NAAA: variants seen among roughly 807,000 people sequenced by gnomAD.
The protein encoded by NAAA is N-acylethanolamine-hydrolyzing acid amidase.
In NAAA, 39 loss-of-function variants were observed where a neutral mutation model predicts 44.8. The ratio of observed to expected loss-of-function variants is 0.87; its 90% CI spans 0.67 to 1.14. The LOEUF is 1.14. NAAA is among the 50% of genes most tolerant of loss of function. The pLI, the probability that NAAA is intolerant of heterozygous loss-of-function variation, is 0.00. For synonymous variants in NAAA, 178 were observed against 191.3 expected, an observed-to-expected ratio of 0.93 and a Z score of 0.58; for missense variants, 460 against 467.8, an observed-to-expected ratio of 0.98 and a Z score of 0.15.
chr4:75,930,803 G>A (rs1727162762), intron 4 of NAAA, among the ~76,000 whole-genome samples: 1 of 152,090 alleles, frequency 6.6e-6, no homozygotes, highest in Non-Finnish European at 1.5e-5. Flanking sequence ...TTACTCCCAT[G>A]CCATAACCAC....
At chr4:75,930,537 G>A (rs1394645004) in intron 4 of NAAA, 2 of 513,802 alleles carry the variant, frequency 3.9e-6, no homozygotes, top group South Asian at 1.4e-5. Context: ...CTTTACAAAT[G>A]TGGCTTGTAT....
rs1289903800 is a variant in NAAA at position 75,940,738 on chromosome 4, G to C, written c.206+6C>G. Reference sequence around the variant, plus strand: ...CCCGCAGACCCCGTCCAGGGCCCCAGCTCACCCGATGACTTGCGCCATCGC... The same window carrying C: ...CCCGCAGACCCCGTCCAGGGCCCCACCTCACCCGATGACTTGCGCCATCGC... On this transcript the variant is annotated splice_donor_region_variant and intron_variant, in intron 1 of 10. Transcript: ENST00000286733. The C allele has an allele frequency of 1.7e-5, 27 of 1,594,042 alleles. No homozygotes were observed. The highest frequency in any genetic ancestry group is 2.1e-5 in the Non-Finnish European group (25 of 1,177,332).
chr4:75,937,630 C>T (rs1213686550), intron 2 of NAAA, among the ~76,000 whole-genome samples: 2 of 152,164 alleles, frequency 1.3e-5, no homozygotes, highest in Non-Finnish European at 2.9e-5. Context: ...GGACCACAGG[C>T]GCAAGCCTCC....
chr4:75,935,942 A>G lies in NAAA; in HGVS notation c.498+167T>C. Reference sequence around the variant, plus strand: ...TAAATAATAAATGACCGTCCTTCCTATAAGCATAATTGATGCAAACCTCTC... The same window carrying G: ...TAAATAATAAATGACCGTCCTTCCTGTAAGCATAATTGATGCAAACCTCTC... On this transcript the variant is annotated intron_variant, in intron 3 of 10. Transcript: ENST00000286733. The G allele has an allele frequency of 2.7e-6, 2 of 737,004 alleles. 1 individual carries two copies. Among genetic ancestry groups the G allele is most frequent in the South Asian group, 3.5e-5 (2 of 57,706 alleles). 45.7% of individuals were successfully genotyped at this position (737,004 alleles called of 1,614,324 possible). A position where few individuals can be genotyped will look rare whatever the true frequency, so the allele number is the denominator to read the frequency against.
intron 5 of NAAA, among the ~76,000 whole-genome samples, chr4:75,923,585 G>A (rs1405834245): frequency 2.6e-5 from 4 of 151,276 alleles, no homozygotes; most frequent in African/African-American, 7.3e-5. Context: ...TGTCTCCCAG[G>A]CTGGAGTGCA....
At chr4:75,912,705 C>T (rs7663965), downstream of NAAA, among the ~76,000 whole-genome samples, 11,897 of 151,906 alleles carry the variant, frequency 0.078, 777 homozygotes, top group African/African-American at 0.18. Context: ...ACCCTGGAGG[C>T]AGAGTTTGCA....
At chr4:75,938,023 C>G (rs550426879) in intron 2 of NAAA, among the ~76,000 whole-genome samples, 1 of 152,324 alleles carries the variant, frequency 6.6e-6, no homozygotes, top group East Asian at 1.9e-4. Context: ...CTGCAGCGAA[C>G]TGGAGATTCC....
At chr4:75,939,525 C>T (rs1728038261) in intron 2 of NAAA, among the ~76,000 whole-genome samples, 1 of 151,206 alleles carries the variant, frequency 6.6e-6, no homozygotes, top group Admixed American at 6.6e-5. Context: ...AAGTGATTCT[C>T]CTGCCTCAAC....
chr4:75,917,630 TG>T (rs1219148370), intron 9 of NAAA: 5 of 246,664 alleles, frequency 2.0e-5, no homozygotes, highest in African/African-American at 9.2e-5. Context: ...CATGCCTGGT[TG>T]ATTTTTGTAT....
chr4:75,925,640 A>T, intron 5 of NAAA, 95 bp downstream of exon 5: 1 of 1,140,668 alleles, frequency 8.8e-7, no homozygotes, highest in Non-Finnish European at 1.3e-6. Context: ...TCTTTTAAGG[A>T]GCTCCTTACA....
chr4:75,918,851 A>AT, intron 8 of NAAA, 62 bp from the exon 9 acceptor site: 2 of 1,488,690 alleles, frequency 1.3e-6, no homozygotes, highest in Non-Finnish European at 9.3e-7. Flanking sequence ...CACATAGAAT[A>AT]TCTATGGAGG....
intron 4 of NAAA, among the ~76,000 whole-genome samples, chr4:75,928,665 C>T (rs866271616): frequency 6.6e-6 from 1 of 152,256 alleles, no homozygotes; most frequent in Non-Finnish European, 1.5e-5. Context: ...CAGAGGAGGC[C>T]AGGCCTGGAG....
chr4:75,938,159 C>T (rs1056060854), intron 2 of NAAA, among the ~76,000 whole-genome samples: 3 of 152,156 alleles, frequency 2.0e-5, no homozygotes, highest in East Asian at 3.9e-4. Context: ...GTGCCTGGCA[C>T]CCAGTAGGCT....
chr4:75,940,234 G>A, intron 1 of NAAA, 69 bp from the exon 2 acceptor site: 2 of 1,534,184 alleles, frequency 1.3e-6, no homozygotes, highest in Non-Finnish European at 1.8e-6. Context: ...CGTGTGCACT[G>A]CGAGCGGGGC....
downstream of NAAA, among the ~76,000 whole-genome samples, chr4:75,913,210 A>T (rs1026479426): frequency 1.3e-5 from 2 of 152,030 alleles, no homozygotes; most frequent in Non-Finnish European, 2.9e-5. Context: ...CTAAATGTAG[A>T]TTCACTGAGC....
intron 4 of NAAA, among the ~76,000 whole-genome samples, chr4:75,926,770 C>T (rs1158063341): frequency 6.6e-6 from 1 of 151,924 alleles, no homozygotes. Flanking sequence ...TTTGGGAGGC[C>T]CAGGTGGGAG....
chr4:75,936,079 A>AT (rs780492836), intron 3 of NAAA, 30 bp downstream of exon 3: 21 of 1,612,262 alleles, frequency 1.3e-5, no homozygotes, highest in African/African-American at 2.7e-5. Flanking sequence ...AATCTTTCTG[A>AT]TTTTTTATCT....
chr4:75,921,017 C>A lies in NAAA; in HGVS notation c.773G>T (p.Gly258Val). The A allele has an allele frequency of 6.2e-7, 1 of 1,610,218 alleles. No individual in the cohort carries two copies. Among genetic ancestry groups the A allele is most frequent in the South Asian group, 1.1e-5 (1 of 90,206 alleles). ...YIVGGTSPREGVVITRNRDGP... is the reference protein window; with the variant it reads ...YIVGGTSPREVVVITRNRDGP... ...ATCTCTGTTCCTCGTGATGACCACC[C>A]CCTCCCGGGGGGACGTGCCACCAAC... The change falls in exon 6 of 11, where the codon GGG becomes GTG. Residue 258 changes from glycine (G) to valine (V), a missense_variant. Gly to Val is a moderately radical substitution (Grantham distance 109). Transcript: ENST00000286733.
intron 2 of NAAA, among the ~76,000 whole-genome samples, chr4:75,939,414 A>ATTTTT (rs377331355): frequency 1.9e-4 from 26 of 137,296 alleles, no homozygotes; most frequent in African/African-American, 7.0e-4. Flanking sequence ...TTTGAGCAGA[A>ATTTTT]TTTTTTTTTT....
Sources: gnomAD v4.1 joint callset for allele counts (sites outside exome capture counted in the v4.1 genomes callset) on GRCh38, gnomAD v4.1.1 for gene constraint, MANE v1.5 for transcripts, NCBI Gene and HGNC (gene_info 2026-07-23, HGNC 2026-07-21) for gene names.